The following NTN1 variants were observed in gnomAD, a reference collection of about 807,000 sequenced individuals.
The protein encoded by NTN1 is netrin-1.
A neutral mutation model predicts 54.2 loss-of-function variants in NTN1; 11 were observed. The ratio of observed to expected loss-of-function variants is 0.20; its 90% CI spans 0.13 to 0.34. NTN1 has a LOEUF of 0.34. NTN1 is among the 10% of genes least tolerant of loss of function. The pLI is 1.00. For missense variants in NTN1, 740 were observed against 893.1 expected (o/e 0.83, Z 2.18); for synonymous variants, 371 against 382.0 (o/e 0.97, Z 0.33).
At chr17:9,040,496 T>C (rs1415686239) in intron 2 of NTN1, among the ~76,000 whole-genome samples, 1 of 152,220 alleles carries the variant, frequency 6.6e-6, no homozygotes, top group Non-Finnish European at 1.5e-5. Flanking sequence ...CTCTTTTTAA[T>C]TCGTTCTCAC....
chr17:9,186,952 G>A (rs2092435276), intron 5 of NTN1, among the ~76,000 whole-genome samples: 1 of 152,084 alleles, frequency 6.6e-6, no homozygotes, highest in South Asian at 2.1e-4. Flanking sequence ...GGAGAAAAGG[G>A]CACTAAAATG....
chr17:9,022,286 G>A (rs112725051), intron 1 of NTN1, 25 bp from the exon 2 acceptor site: 41 of 1,225,676 alleles, frequency 3.3e-5, no homozygotes, highest in Middle Eastern at 6.2e-4. Flanking sequence ...CGGGCTGGCT[G>A]AGCGCAGCTC....
chr17:9,196,325 G>A (rs1014092356), intron 5 of NTN1, among the ~76,000 whole-genome samples: 3 of 152,220 alleles, frequency 2.0e-5, no homozygotes, highest in Admixed American at 1.3e-4. Flanking sequence ...CATTGTTTAG[G>A]CAGTCGCCAG....
chr17:9,145,957 G>A (rs2092312222), intron 2 of NTN1, among the ~76,000 whole-genome samples: 1 of 147,330 alleles, frequency 6.8e-6, no homozygotes, highest in South Asian at 2.2e-4. Context: ...GTATTTAGAA[G>A]AACAGATGTG....
intron 5 of NTN1, among the ~76,000 whole-genome samples, chr17:9,220,827 C>T: frequency 6.6e-6 from 1 of 151,798 alleles, no homozygotes; most frequent in South Asian, 2.1e-4. Context: ...TAATCAGGCT[C>T]CAGTTGAGTC....
intron 2 of NTN1, among the ~76,000 whole-genome samples, chr17:9,081,450 C>T (rs1444547148): frequency 6.6e-6 from 1 of 152,178 alleles, no homozygotes; most frequent in African/African-American, 2.4e-5. Flanking sequence ...GTTCCATTTG[C>T]ACCTGTTTCA....
chr17:9,243,344 A>T lies in NTN1; in HGVS notation c.*3376A>T, dbSNP rs1164527827. The T allele has an allele frequency of 3.9e-5, 6 of 152,228 alleles. No individual in the cohort carries two copies. Among genetic ancestry groups the T allele is most frequent in the Admixed American group, 3.9e-4 (6 of 15,278 alleles). The allele number at this position is 152,228 out of a possible 1,614,324, so 9.4% of individuals were successfully genotyped here. A position where few individuals can be genotyped will look rare whatever the true frequency, so the allele number is the denominator to read the frequency against. On this transcript the variant is annotated 3_prime_UTR_variant, in exon 7 of 7. Coordinates refer to ENST00000173229, the MANE Select transcript of NTN1 (RefSeq NM_004822.3). Reference sequence around the variant, plus strand: ...CCTGGAACTCTGCCTCAGTCGCGGCATGCTGGAGAGGGGTACGGACTTACT... The same window carrying T: ...CCTGGAACTCTGCCTCAGTCGCGGCTTGCTGGAGAGGGGTACGGACTTACT...
In NTN1 at chr17:9,067,476, T is replaced by G. The variant is rs118146724; in HGVS notation, c.1018+44085T>G. Among the ~76,000 whole-genome samples the G allele has an allele frequency of 8.8e-3, 1,347 of 152,306 alleles. 10 individuals are homozygous for G. The highest frequency in any genetic ancestry group is 0.013 in the Non-Finnish European group (896 of 68,024). On this transcript the variant is annotated intron_variant, in intron 2 of 6. Transcript: ENST00000173229. ...CAGTTTTCACTGTATTAAATACATT[T>G]GTCAGTGGAATAAGGTCCATTTGAC...
intron 2 of NTN1, among the ~76,000 whole-genome samples, chr17:9,036,199 A>G (rs903007097): frequency 7.1e-6 from 1 of 140,060 alleles, no homozygotes; most frequent in Non-Finnish European, 1.6e-5. Context: ...CTCTCTATTT[A>G]GTGGAAAGTG....
At chr17:9,039,747 G>A (rs1453310583) in intron 2 of NTN1, among the ~76,000 whole-genome samples, 3 of 152,112 alleles carry the variant, frequency 2.0e-5, no homozygotes, top group Non-Finnish European at 4.4e-5. Flanking sequence ...CATACGGTAC[G>A]TGTGGTCTGG....
At chr17:9,201,033 G>A (rs184128186) in intron 5 of NTN1, among the ~76,000 whole-genome samples, 45 of 152,232 alleles carry the variant, frequency 3.0e-4, no homozygotes, top group African/African-American at 1.0e-3. Context: ...GGCACAGATG[G>A]CAGATAATAG....
intron 2 of NTN1, among the ~76,000 whole-genome samples, chr17:9,111,068 G>A (rs2092188766): frequency 1.3e-5 from 2 of 151,686 alleles, no homozygotes; most frequent in Admixed American, 1.3e-4. Context: ...CCGAGTAGCT[G>A]GGAGGATTAC....
At chr17:9,054,638 G>A (rs1027963775) in intron 2 of NTN1, among the ~76,000 whole-genome samples, 3 of 152,200 alleles carry the variant, frequency 2.0e-5, no homozygotes, top group Admixed American at 2.0e-4. Context: ...GGGAGAATGA[G>A]AAGACATGCT....
chr17:9,041,998 G>A (rs1454426636), intron 2 of NTN1, among the ~76,000 whole-genome samples: 1 of 149,198 alleles, frequency 6.7e-6, no homozygotes, highest in Non-Finnish European at 1.5e-5. Context: ...GACAGAGTGG[G>A]ACTCTGTCAA....
At chr17:9,091,243 C>A (rs2092109415) in intron 2 of NTN1, among the ~76,000 whole-genome samples, 1 of 152,036 alleles carries the variant, frequency 6.6e-6, no homozygotes, top group African/African-American at 2.4e-5. Context: ...ATAAAATGTA[C>A]CATCTAAACC....
chr17:9,214,819 C>G (rs1905181702), intron 5 of NTN1, among the ~76,000 whole-genome samples: 1 of 152,138 alleles, frequency 6.6e-6, no homozygotes, highest in African/African-American at 2.4e-5. Context: ...GAGACTCCAT[C>G]TCAAAAAGAA....
chr17:9,043,218 A>T, intron 2 of NTN1, among the ~76,000 whole-genome samples: 1 of 151,328 alleles, frequency 6.6e-6, no homozygotes, highest in Non-Finnish European at 1.5e-5. Context: ...ATTTTTTCTC[A>T]CTCTCTCTTT....
the NTN1 span, among the ~76,000 whole-genome samples, chr17:9,005,742 C>T: frequency 1.3e-5 from 2 of 152,148 alleles, no homozygotes; most frequent in African/African-American, 4.8e-5. Context: ...AGGAGATGCT[C>T]CAGTATCCTC....
intron 2 of NTN1, among the ~76,000 whole-genome samples, chr17:9,146,916 C>T (rs2092315198): frequency 6.6e-6 from 1 of 151,978 alleles, no homozygotes; most frequent in Non-Finnish European, 1.5e-5. Context: ...TGGGTAATAC[C>T]CCGGCATCGG....
Sources: allele counts gnomAD v4.1 joint callset (sites outside exome capture counted in the v4.1 genomes callset), GRCh38; gene constraint gnomAD v4.1.1; transcripts MANE v1.5; gene names NCBI Gene and HGNC (gene_info 2026-07-23, HGNC 2026-07-21).